Variants in TOP2B observed in about 807,000 individuals in gnomAD.
The protein encoded by TOP2B is DNA topoisomerase II beta.
In TOP2B, 51 loss-of-function variants were observed where a neutral mutation model predicts 193.5. The ratio of observed to expected loss-of-function variants is 0.26; its 90% CI spans 0.21 to 0.33. The LOEUF (loss-of-function observed/expected upper bound fraction) is 0.33, where lower values mean the gene tolerates loss of function less well. Ranked by LOEUF, TOP2B falls within the 10% of genes least tolerant of loss-of-function variation. The probability of loss-of-function intolerance (pLI) is 1.00; values close to 1 mark genes in which losing one functional copy is unlikely to be tolerated. For missense variants in TOP2B, 1,378 were observed against 1,909.3 expected, an observed-to-expected ratio of 0.72 and a Z score of 5.19; for synonymous variants, 634 against 635.7, an observed-to-expected ratio of 1.00 and a Z score of 0.04.
chr3:25,659,847 G>A (rs1305787361), intron 1 of TOP2B, among the ~76,000 whole-genome samples: 2 of 152,172 alleles, frequency 1.3e-5, no homozygotes, highest in Non-Finnish European at 1.5e-5. Flanking sequence ...CTGTGTAAAT[G>A]TTAAGAACAC....
intron 18 of TOP2B, among the ~76,000 whole-genome samples, chr3:25,626,283 C>T (rs1186574153): frequency 6.6e-6 from 1 of 151,884 alleles, no homozygotes. Context: ...AATCTGCAGA[C>T]AACTTGGGCA....
intron 1 of TOP2B, among the ~76,000 whole-genome samples, chr3:25,657,229 C>A (rs569306274): frequency 5.6e-4 from 85 of 152,226 alleles, no homozygotes; most frequent in African/African-American, 2.0e-3. Context: ...AGAAAGTTGT[C>A]CCCTGAGCAA....
At chr3:25,625,017 GCCATCT>G (rs1469219050) in intron 18 of TOP2B, 1 of 388,904 alleles carries the variant, frequency 2.6e-6, no homozygotes, top group African/African-American at 2.1e-5. Flanking sequence ...ATGTTTTTAT[GCCATCT>G]CCATCTACTC....
chr3:25,645,583 T>A, intron 1 of TOP2B, 113 bp from the exon 2 acceptor site: 1 of 768,352 alleles, frequency 1.3e-6, no homozygotes, highest in South Asian at 2.6e-5. Context: ...TCAGACTGAT[T>A]TTTTAAATCT....
chr3:25,622,658 G>A (rs1702688812), intron 21 of TOP2B, among the ~76,000 whole-genome samples: 1 of 147,388 alleles, frequency 6.8e-6, no homozygotes, highest in Non-Finnish European at 1.5e-5. Context: ...TTTTTTTTTG[G>A]GAGACGGAGT....
chr3:25,637,982 G>C (rs1056773789), intron 5 of TOP2B, among the ~76,000 whole-genome samples, 183 bp downstream of exon 5: 1 of 151,782 alleles, frequency 6.6e-6, no homozygotes, highest in African/African-American at 2.4e-5. Context: ...TGTACTATCA[G>C]TCTTAAGGTT....
chr3:25,615,092 A>C (rs1702469914), intron 27 of TOP2B, 113 bp downstream of exon 27: 1 of 829,554 alleles, frequency 1.2e-6, no homozygotes, highest in African/African-American at 1.8e-5. Context: ...CTCAACTTAT[A>C]AACATATTAA....
intron 29 of TOP2B, 102 bp from the exon 30 acceptor site, chr3:25,609,446 T>C: frequency 2.1e-6 from 3 of 1,459,846 alleles, no homozygotes; most frequent in Non-Finnish European, 2.7e-6. Flanking sequence ...AAAATAAACG[T>C]TTATGAAAAT....
chr3:25,636,561 T>C (rs185309616), intron 6 of TOP2B, among the ~76,000 whole-genome samples: 1 of 152,174 alleles, frequency 6.6e-6, no homozygotes, highest in Admixed American at 6.5e-5. Flanking sequence ...ATTTTTGGTA[T>C]AGAAAGGGCA....
intron 4 of TOP2B, among the ~76,000 whole-genome samples, chr3:25,638,551 C>T (rs1324749812): frequency 1.3e-5 from 2 of 151,498 alleles, no homozygotes; most frequent in Non-Finnish European, 2.9e-5. Flanking sequence ...GAAATGAAGG[C>T]AAGGAATGGA....
chr3:25,654,747 A>G (rs1703695725), intron 1 of TOP2B, among the ~76,000 whole-genome samples: 1 of 152,178 alleles, frequency 6.6e-6, no homozygotes, highest in Non-Finnish European at 1.5e-5. Context: ...CAGAAGAGAG[A>G]GCACAGAAAT....
At chr3:25,629,787 G>T (rs1237335379) in intron 13 of TOP2B, among the ~76,000 whole-genome samples, 2 of 151,918 alleles carry the variant, frequency 1.3e-5, no homozygotes, top group Non-Finnish European at 2.9e-5. Flanking sequence ...GTTCCTACTT[G>T]TAGGTAGGCT....
intron 1 of TOP2B, among the ~76,000 whole-genome samples, chr3:25,656,950 T>C (rs1462053300): frequency 6.6e-6 from 1 of 152,240 alleles, no homozygotes; most frequent in Non-Finnish European, 1.5e-5. Flanking sequence ...CACCTATTTA[T>C]TACTTCTGCA....
intron 22 of TOP2B, 128 bp downstream of exon 22, chr3:25,620,554 T>G: frequency 1.1e-6 from 1 of 932,564 alleles, no homozygotes; most frequent in East Asian, 2.7e-5. Flanking sequence ...AACTGAAGGG[T>G]AAAAGAAGGT....
chr3:25,664,105 C>A (rs1575592673), intron 1 of TOP2B, 124 bp downstream of exon 1: 2 of 1,412,340 alleles, frequency 1.4e-6, no homozygotes, highest in East Asian at 5.2e-5. Context: ...GCACAGGCCC[C>A]TATGGAGCGC....
At position 25,624,791 on chromosome 3, in the gene TOP2B, C is replaced by G; in HGVS notation, c.2237G>C (p.Gly746Ala). 2.5e-6 allele frequency: 4 copies of G among 1,612,996 alleles called. No homozygotes were observed. Among genetic ancestry groups the G allele is most frequent in the Non-Finnish European group, 3.4e-6 (4 of 1,179,434 alleles). ...IPSLVDGFKP[G>A]QRKVLFTCFK... ...ACAGGTAAATAAAACTTTCCGCTGGCCAGGTTTAAAGCCTATTTTTAAAAG... is the reference window on the plus strand; with the variant it reads ...ACAGGTAAATAAAACTTTCCGCTGGGCAGGTTTAAAGCCTATTTTTAAAAG... Residue 746 changes from glycine (G) to alanine (A), a missense_variant, in exon 19 of 36, where the codon GGC becomes GCC. Gly to Ala is a moderately conservative substitution (Grantham distance 60). This residue lies in a region of TOP2B where 379 missense variants were observed against 615.1 expected (regional missense o/e 0.62). Transcript: ENST00000264331.
chr3:25,635,103 G>C (rs1703068879), intron 7 of TOP2B, among the ~76,000 whole-genome samples: 1 of 152,070 alleles, frequency 6.6e-6, no homozygotes, highest in Non-Finnish European at 1.5e-5. Context: ...CACCTCTGAG[G>C]GGCAGCTCAA....
intron 8 of TOP2B, among the ~76,000 whole-genome samples, chr3:25,633,436 C>G (rs944279104): frequency 2.6e-5 from 4 of 152,218 alleles, no homozygotes; most frequent in African/African-American, 9.6e-5. Flanking sequence ...ATTCACCAAC[C>G]TAGGAGTTCT....
intron 1 of TOP2B, among the ~76,000 whole-genome samples, chr3:25,646,361 C>A (rs952579512): frequency 6.6e-6 from 1 of 152,112 alleles, no homozygotes; most frequent in African/African-American, 2.4e-5. Flanking sequence ...CTCTGGGTGT[C>A]CCAATACTGA....
Sources: gnomAD v4.1 joint callset for allele counts (sites outside exome capture counted in the v4.1 genomes callset) on GRCh38, gnomAD v4.1.1 for gene constraint, gnomAD v4.1.1 regional missense constraint, MANE v1.5 for transcripts, NCBI Gene and HGNC (gene_info 2026-07-23, HGNC 2026-07-21) for gene names.